SDK1: variants seen among roughly 807,000 people sequenced by gnomAD.
SDK1 encodes sidekick cell adhesion molecule 1.
A neutral mutation model predicts 245.5 loss-of-function variants in SDK1; 157 were observed. The ratio of observed to expected loss-of-function variants is 0.64; its 90% CI spans 0.56 to 0.73. The LOEUF (loss-of-function observed/expected upper bound fraction) is 0.73. Ranked by LOEUF, SDK1 falls within the 30% of genes least tolerant of loss-of-function variation. SDK1 has a pLI of 0.00. For missense variants in SDK1, 3,583 were observed against 3,002.3 expected (o/e 1.19, Z -4.52); for synonymous variants, 1,647 against 1,278.5 (o/e 1.29, Z -6.15).
intron 5 of SDK1, among the ~76,000 whole-genome samples, chr7:3,950,194 C>T (rs1040193295): frequency 1.3e-5 from 2 of 152,210 alleles, no homozygotes; most frequent in African/African-American, 2.4e-5. Flanking sequence ...GTGGATTGTG[C>T]CTGAGGACAC....
intron 2 of SDK1, among the ~76,000 whole-genome samples, chr7:3,627,744 G>A (rs1782164476): frequency 6.6e-6 from 1 of 152,182 alleles, no homozygotes; most frequent in Admixed American, 6.5e-5. Context: ...TAGTTGAGAA[G>A]AAATCTAAAT....
chr7:3,627,379 C>G (rs1159471629), intron 2 of SDK1, among the ~76,000 whole-genome samples: 1 of 152,184 alleles, frequency 6.6e-6, no homozygotes, highest in Non-Finnish European at 1.5e-5. Flanking sequence ...TGATCTGGGA[C>G]AATTCTGTGC....
chr7:4,061,719 CTT>C (rs1181463766), intron 19 of SDK1, among the ~76,000 whole-genome samples: 3 of 152,092 alleles, frequency 2.0e-5, no homozygotes, highest in Non-Finnish European at 2.9e-5. Context: ...ATAGCAAAGA[CTT>C]TGAACCAATC....
At chr7:3,969,518 T>A in intron 11 of SDK1, 94 bp downstream of exon 11, 2 of 911,350 alleles carry the variant, frequency 2.2e-6, no homozygotes, top group Non-Finnish European at 1.5e-6. Context: ...GCCCTTGGGC[T>A]TGCTAATTTA....
At chr7:3,564,236 T>C (rs149292072) in intron 1 of SDK1, among the ~76,000 whole-genome samples, 36 of 152,104 alleles carry the variant, frequency 2.4e-4, no homozygotes, top group African/African-American at 7.7e-4. Flanking sequence ...ATAATAATAA[T>C]AACACCTGAC....
intron 3 of SDK1, among the ~76,000 whole-genome samples, chr7:3,640,282 G>A (rs1782609325): frequency 6.6e-6 from 1 of 152,198 alleles, no homozygotes; most frequent in African/African-American, 2.4e-5. Flanking sequence ...GAGCTCCTGA[G>A]TTGGGCTGTA....
chr7:3,872,782 A>G (rs1223815376), intron 5 of SDK1, among the ~76,000 whole-genome samples: 1 of 152,068 alleles, frequency 6.6e-6, no homozygotes, highest in African/African-American at 2.4e-5. Flanking sequence ...TAGAGTTCAC[A>G]ATATACATTT....
chr7:3,428,936 C>T (rs567683341), intron 1 of SDK1, among the ~76,000 whole-genome samples: 23 of 152,294 alleles, frequency 1.5e-4, no homozygotes, highest in African/African-American at 5.5e-4. Context: ...GAGAGATCAG[C>T]AGCAGTGGGT....
intron 1 of SDK1, among the ~76,000 whole-genome samples, chr7:3,564,349 G>A (rs1009147741): frequency 6.6e-6 from 1 of 151,970 alleles, no homozygotes; most frequent in Non-Finnish European, 1.5e-5. Flanking sequence ...TAAAATACAG[G>A]ACAATGCTGG....
rs372364595 is a variant in SDK1, at chr7:3,449,661, T to G, written c.298+147777T>G. On this transcript the variant is annotated intron_variant, in intron 1 of 44. Coordinates refer to ENST00000404826, the MANE Select transcript of SDK1 (RefSeq NM_152744.4). ...CCTAGGATAGAATAACATGCAGCTA[T>G]TAAATAGCACATTTTGTGAATATTT... Among the ~76,000 whole-genome samples, 20 of 152,346 alleles carry G rather than the reference T, an allele frequency of 1.3e-4. No homozygotes were observed. In the East Asian group the frequency reaches 3.7e-3, roughly 28 times the overall value.
In SDK1 at chr7:4,139,573, G is replaced by GTATATA. The variant is rs1289009779; in HGVS notation, c.4229-6148_4229-6147insATATAT. On this transcript the variant is annotated intron_variant, in intron 28 of 44. Transcript: ENST00000404826. ...TGTATATGTATATATGTGTGTATAT[G>GTATATA]TGTGTGTGTATGTGTGTGTATATGT... Among the ~76,000 whole-genome samples, 9 of 24,210 alleles carry GTATATA rather than the reference G, an allele frequency of 3.7e-4. 1 individual carries two copies. Among genetic ancestry groups the GTATATA allele is most frequent in the African/African-American group, 1.2e-3 (6 of 5,122 alleles). 15.9% of individuals were successfully genotyped at this position (24,210 alleles called of 152,430 possible). A position where few individuals can be genotyped will look rare whatever the true frequency, so the allele number is the denominator to read the frequency against.
chr7:3,968,485 C>T (rs1477037832), intron 10 of SDK1, among the ~76,000 whole-genome samples: 1 of 152,244 alleles, frequency 6.6e-6, no homozygotes, highest in African/African-American at 2.4e-5. Context: ...CCCCTGCACT[C>T]AGACACAGCT....
rs1482960893 is a variant in SDK1 at position 3,644,421 on chromosome 7, C to T, written c.713+2316C>T. Among the ~76,000 whole-genome samples, 8 of 151,426 alleles carry T rather than the reference C, an allele frequency of 5.3e-5. No individual in the cohort carries two copies. The East Asian group carries it at 1.6e-3, about 29-fold the overall frequency. ...AAAGATGCCTCGAGTTTCGATGAAA[C>T]AAAAATGAAGGATCAATTTTTCATT... On this transcript the variant is annotated intron_variant, in intron 4 of 44. Coordinates refer to ENST00000404826, the MANE Select transcript of SDK1 (RefSeq NM_152744.4).
chr7:3,819,391 A>G (rs1181495826), intron 4 of SDK1, among the ~76,000 whole-genome samples: 1 of 152,056 alleles, frequency 6.6e-6, no homozygotes, highest in African/African-American at 2.4e-5. Flanking sequence ...TGCCGTAAAT[A>G]ATATCGAGAA....
intron 1 of SDK1, among the ~76,000 whole-genome samples, chr7:3,500,335 C>T (rs915862609): frequency 1.3e-5 from 2 of 152,044 alleles, no homozygotes; most frequent in Non-Finnish European, 2.9e-5. Context: ...TATCTTAAAA[C>T]GTCATGAGAA....
At chr7:3,437,101 G>A (rs796103161) in intron 1 of SDK1, among the ~76,000 whole-genome samples, 13 of 152,204 alleles carry the variant, frequency 8.5e-5, no homozygotes, top group African/African-American at 1.4e-4. Context: ...ACTAAAAGAC[G>A]ATTAATACAT....
chr7:4,248,185 C>G (rs1473838680), intron 44 of SDK1, among the ~76,000 whole-genome samples: 1 of 152,096 alleles, frequency 6.6e-6, no homozygotes, highest in Non-Finnish European at 1.5e-5. Context: ...CATGTACACA[C>G]ATGTGCACGG....
chr7:3,550,854 A>G (rs1249702864), intron 1 of SDK1, among the ~76,000 whole-genome samples: 1 of 152,096 alleles, frequency 6.6e-6, no homozygotes, highest in Non-Finnish European at 1.5e-5. Context: ...TGTATTCAAG[A>G]TTAGGGTTTT....
At chr7:4,115,442 G>T (rs138098830) in intron 25 of SDK1, among the ~76,000 whole-genome samples, 124 of 152,298 alleles carry the variant, frequency 8.1e-4, no homozygotes, top group African/African-American at 2.7e-3. Flanking sequence ...TTCCCCCAGG[G>T]AGCCTAGATC....
Sources: allele counts gnomAD v4.1 joint callset (sites outside exome capture counted in the v4.1 genomes callset), GRCh38; gene constraint gnomAD v4.1.1; transcripts MANE v1.5; gene names NCBI Gene and HGNC (gene_info 2026-07-23, HGNC 2026-07-21).